Variants in FGF14 observed in about 807,000 individuals in gnomAD.
FGF14 encodes the protein fibroblast growth factor 14, also known as fibroblast growth factor homologous factor 4.
In FGF14, 5 loss-of-function variants were observed where a neutral mutation model predicts 25.5. That is an observed-to-expected ratio of 0.20 (90% CI 0.10 to 0.41). The LOEUF (loss-of-function observed/expected upper bound fraction) is 0.41. FGF14 is among the 10% of genes least tolerant of loss of function. The probability of loss-of-function intolerance (pLI) is 1.00; values close to 1 mark genes in which losing one functional copy is unlikely to be tolerated. For missense variants in FGF14, 222 were observed against 320.1 expected, an observed-to-expected ratio of 0.69 and a Z score of 2.34; for synonymous variants, 138 against 118.3, an observed-to-expected ratio of 1.17 and a Z score of -1.08.
chr13:102,259,490 A>G (rs1354449546), intron 1 of FGF14, among the ~76,000 whole-genome samples: 1 of 151,966 alleles, frequency 6.6e-6, no homozygotes, highest in Non-Finnish European at 1.5e-5. Context: ...CTGTTAGGAG[A>G]CACTCCTCCT....
intron 4 of FGF14, among the ~76,000 whole-genome samples, chr13:101,723,911 A>G (rs2035176733): frequency 6.6e-6 from 1 of 152,112 alleles, no homozygotes; most frequent in Admixed American, 6.6e-5. Flanking sequence ...TGAAAGTTTA[A>G]GGTATTTTAC....
At chr13:102,119,286 C>T (rs972783530) in intron 1 of FGF14, among the ~76,000 whole-genome samples, 2 of 152,162 alleles carry the variant, frequency 1.3e-5, no homozygotes, top group African/African-American at 4.8e-5. Context: ...ATCCTGAACA[C>T]AGGTACTCTA....
chr13:102,150,213 G>A (rs184434033), intron 1 of FGF14, among the ~76,000 whole-genome samples: 23 of 152,128 alleles, frequency 1.5e-4, no homozygotes, highest in Admixed American at 1.2e-3. Flanking sequence ...TAAAGGCAGA[G>A]ATGTGGCTGG....
In FGF14 at chr13:101,872,100, T is replaced by G. The variant is rs148174629; in HGVS notation, c.304+3086A>C. ...TCCATATTTAGTGTGGGAAATGTATTGAACTCAATTCATGAAGATACGAAA... is the reference window on the plus strand; with the variant it reads ...TCCATATTTAGTGTGGGAAATGTATGGAACTCAATTCATGAAGATACGAAA... On this transcript the variant is annotated intron_variant, in intron 2 of 4. Transcript: ENST00000376143. Among the ~76,000 whole-genome samples, 1,281 of 151,940 alleles carry G rather than the reference T, an allele frequency of 8.4e-3. 11 individuals carry two copies. Among genetic ancestry groups the G allele is most frequent in the South Asian group, 0.014 (66 of 4,786 alleles).
intron 1 of FGF14, among the ~76,000 whole-genome samples, chr13:102,167,306 C>T (rs1288870261): frequency 9.4e-6 from 1 of 106,744 alleles, no homozygotes; most frequent in Admixed American, 1.1e-4. Flanking sequence ...CCATTGCACT[C>T]CATCTCAAAA....
chr13:102,215,722 T>A (rs1237693875), intron 1 of FGF14, among the ~76,000 whole-genome samples: 9 of 152,236 alleles, frequency 5.9e-5, no homozygotes, highest in Non-Finnish European at 1.3e-4. Context: ...GAACATTTTG[T>A]ATCCTTCCTG....
At chr13:101,814,240 G>T (rs1329976113) in intron 3 of FGF14, among the ~76,000 whole-genome samples, 6 of 152,148 alleles carry the variant, frequency 3.9e-5, no homozygotes, top group Admixed American at 6.5e-5. Context: ...TAGATCCCCA[G>T]GTGATTCACG....
At chr13:101,918,104 C>T (rs2033711765), upstream of FGF14, among the ~76,000 whole-genome samples, 1 of 152,124 alleles carries the variant, frequency 6.6e-6, no homozygotes, top group African/African-American at 2.4e-5. Context: ...GTCTCCTCCC[C>T]CTTGATTTTC....
intron 1 of FGF14, among the ~76,000 whole-genome samples, chr13:102,193,479 G>T (rs575327386): frequency 3.1e-4 from 47 of 152,238 alleles, no homozygotes; most frequent in African/African-American, 1.1e-3. Flanking sequence ...CACCTGAAAA[G>T]GTCCTAATTT....
intron 1 of FGF14, among the ~76,000 whole-genome samples, chr13:102,165,665 T>TG (rs71125051): frequency 0.97 from 94,373 of 97,086 alleles, 45,938 homozygotes; most frequent in Middle Eastern, 1. Context: ...GGGCCTGTTG[T>TG]GGGTGGGGGG....
chr13:101,717,260 AT>A lies in FGF14; in HGVS notation c.*5570del, dbSNP rs1478324665. On this transcript the variant is annotated 3_prime_UTR_variant, in exon 5 of 5. Transcript: ENST00000376143. The stretch of plus-strand genomic sequence containing the variant: ...TTAAGAGAACATTTAACTGATCCTG[AT>A]TTTTATAGTACTAACAATGTTCTCA... The A allele has an allele frequency of 6.6e-6, 1 of 152,108 alleles. No individual in the cohort carries two copies. 9.4% of individuals were successfully genotyped at this position (152,108 alleles called of 1,614,324 possible). A position where few individuals can be genotyped will look rare whatever the true frequency, so the allele number is the denominator to read the frequency against.
intron 3 of FGF14, among the ~76,000 whole-genome samples, chr13:101,727,813 A>T (rs947579374): frequency 1.3e-5 from 2 of 152,250 alleles, no homozygotes; most frequent in African/African-American, 4.8e-5. Flanking sequence ...AAATAGGTCC[A>T]ACACTGTGCT....
intron 3 of FGF14, among the ~76,000 whole-genome samples, chr13:101,757,262 C>G (rs978254205): frequency 9.2e-5 from 14 of 151,956 alleles, no homozygotes; most frequent in African/African-American, 2.4e-4. Flanking sequence ...AGTCCTATAG[C>G]CTTTTGTTTG....
intron 1 of FGF14, among the ~76,000 whole-genome samples, chr13:102,006,806 G>A (rs941002671): frequency 5.8e-5 from 8 of 136,774 alleles, no homozygotes; most frequent in East Asian, 2.1e-4. Context: ...CTGCAGTGGC[G>A]CAATCTCGGC....
intron 1 of FGF14, among the ~76,000 whole-genome samples, chr13:101,972,104 A>G (rs1445958146): frequency 6.6e-6 from 1 of 152,236 alleles, no homozygotes; most frequent in Non-Finnish European, 1.5e-5. Context: ...TTTCCACCAC[A>G]ATTTCCAGAT....
At chr13:102,192,517 T>G (rs1336362767) in intron 1 of FGF14, among the ~76,000 whole-genome samples, 2 of 152,176 alleles carry the variant, frequency 1.3e-5, no homozygotes, top group African/African-American at 2.4e-5. Flanking sequence ...GGTTCCTTTA[T>G]GCTTAACAAT....
At chr13:102,326,344 G>C (rs1357635960) in intron 1 of FGF14, among the ~76,000 whole-genome samples, 2 of 151,990 alleles carry the variant, frequency 1.3e-5, no homozygotes, top group African/African-American at 4.8e-5. Flanking sequence ...AACTTATATA[G>C]AATTATTATA....
intron 1 of FGF14, among the ~76,000 whole-genome samples, chr13:102,035,012 C>T (rs1393046004): frequency 2.6e-5 from 4 of 152,056 alleles, no homozygotes; most frequent in East Asian, 1.9e-4. Flanking sequence ...CACCCCATCA[C>T]GCCATTATCC....
intron 3 of FGF14, among the ~76,000 whole-genome samples, chr13:101,846,761 C>T (rs1689891790): frequency 1.3e-5 from 2 of 152,086 alleles, no homozygotes; most frequent in African/African-American, 4.8e-5. Context: ...TAAAGGCCTC[C>T]AGGTAAGTGT....
Sources: allele counts gnomAD v4.1 joint callset (sites outside exome capture counted in the v4.1 genomes callset), GRCh38; gene constraint gnomAD v4.1.1; transcripts MANE v1.5; gene names NCBI Gene and HGNC (gene_info 2026-07-23, HGNC 2026-07-21).